Variants in PRKN observed in about 807,000 individuals in gnomAD.
PRKN encodes E3 ubiquitin-protein ligase parkin.
In PRKN, 56 loss-of-function variants were observed where a neutral mutation model predicts 59.5. The ratio of observed to expected loss-of-function variants is 0.94; its 90% CI spans 0.76 to 1.18. The LOEUF (loss-of-function observed/expected upper bound fraction) is 1.18. Ranked by LOEUF, PRKN falls within the 50% of genes most tolerant of loss-of-function variation. PRKN has a pLI of 0.00. For missense variants in PRKN, 657 were observed against 596.4 expected (o/e 1.10, Z -1.06); for synonymous variants, 250 against 222.1 (o/e 1.13, Z -1.12).
At chr6:162,036,964 CAT>C (rs1783874106) in intron 5 of PRKN, among the ~76,000 whole-genome samples, 1 of 152,092 alleles carries the variant, frequency 6.6e-6, no homozygotes, top group African/African-American at 2.4e-5. Flanking sequence ...CATGAGATGT[CAT>C]GTTTCACCTA....
At chr6:162,235,696 G>C (rs779167289) in intron 3 of PRKN, among the ~76,000 whole-genome samples, 3 of 151,728 alleles carry the variant, frequency 2.0e-5, no homozygotes, top group Non-Finnish European at 4.4e-5. Flanking sequence ...CCAGCTACTC[G>C]GAAGGCTGAG....
intron 2 of PRKN, among the ~76,000 whole-genome samples, chr6:162,415,034 C>A (rs1348677761): frequency 1.3e-5 from 2 of 152,070 alleles, no homozygotes; most frequent in East Asian, 3.9e-4. Context: ...TGAGAGATGG[C>A]AAAATGCTAG....
At chr6:161,455,892 CAAATA>C (rs1789947888) in intron 9 of PRKN, among the ~76,000 whole-genome samples, 1 of 150,094 alleles carries the variant, frequency 6.7e-6, no homozygotes, top group Admixed American at 6.6e-5. Flanking sequence ...TAGGTGCATA[CAAATA>C]AATACATATA....
intron 2 of PRKN, among the ~76,000 whole-genome samples, chr6:162,407,283 C>T (rs1048223431): frequency 6.6e-6 from 1 of 152,206 alleles, no homozygotes; most frequent in African/African-American, 2.4e-5. Flanking sequence ...TCCAGGGAAA[C>T]TGTTCACCAG....
intron 4 of PRKN, among the ~76,000 whole-genome samples, chr6:162,188,223 T>C (rs1784111480): frequency 6.6e-6 from 1 of 152,070 alleles, no homozygotes; most frequent in Non-Finnish European, 1.5e-5. Flanking sequence ...CAGTCTCGGG[T>C]ATGTCTTTAT....
At chr6:162,462,818 G>A (rs1036327740) in intron 1 of PRKN, among the ~76,000 whole-genome samples, 1 of 152,276 alleles carries the variant, frequency 6.6e-6, no homozygotes, top group Non-Finnish European at 1.5e-5. Flanking sequence ...CTTTGGCTAG[G>A]TGCAGTGGCT....
chr6:161,598,797 G>T (rs1212036306), intron 7 of PRKN, among the ~76,000 whole-genome samples: 1 of 152,116 alleles, frequency 6.6e-6, no homozygotes, highest in Non-Finnish European at 1.5e-5. Context: ...TTGGATGTTG[G>T]GTGGCCATGG....
chr6:162,020,332 CAAAAAAAAA>C (rs771141235), intron 5 of PRKN, among the ~76,000 whole-genome samples: 6,409 of 45,792 alleles, frequency 0.14, 653 homozygotes, highest in African/African-American at 0.34. Context: ...ACCAATGAAT[CAAAAAAAAA>C]AAAAAAAAAA....
chr6:162,583,739 A>G (rs1036916190), intron 1 of PRKN, among the ~76,000 whole-genome samples: 1 of 152,216 alleles, frequency 6.6e-6, no homozygotes, highest in Non-Finnish European at 1.5e-5. Context: ...GACTTCCACC[A>G]TTCAAATGAA....
intron 6 of PRKN, among the ~76,000 whole-genome samples, chr6:161,800,084 T>C (rs2128210359): frequency 6.6e-6 from 1 of 152,220 alleles, no homozygotes; most frequent in South Asian, 2.1e-4. Flanking sequence ...GGATGCAACA[T>C]AATACCATTT....
chr6:161,734,542 G>A (rs1186847760), intron 7 of PRKN, among the ~76,000 whole-genome samples: 1 of 152,174 alleles, frequency 6.6e-6, no homozygotes, highest in African/African-American at 2.4e-5. Flanking sequence ...TGGACTTGTG[G>A]AAACTGAGGG....
At chr6:161,941,111 C>T (rs1779549970) in intron 6 of PRKN, among the ~76,000 whole-genome samples, 2 of 152,190 alleles carry the variant, frequency 1.3e-5, no homozygotes, top group Admixed American at 6.5e-5. Flanking sequence ...GCCTAGGGCT[C>T]CACTCTTGGG....
intron 6 of PRKN, among the ~76,000 whole-genome samples, chr6:161,925,786 G>C (rs757676793): frequency 6.6e-6 from 1 of 152,078 alleles, no homozygotes; most frequent in Non-Finnish European, 1.5e-5. Flanking sequence ...ATTCAATGGG[G>C]ATAAAACAAA....
chr6:162,029,520 C>T (rs1291235225), intron 5 of PRKN, among the ~76,000 whole-genome samples: 1 of 152,106 alleles, frequency 6.6e-6, no homozygotes, highest in Non-Finnish European at 1.5e-5. Context: ...TTTGCTCATC[C>T]CAGTTTCCTC....
chr6:161,815,221 C>T (rs1791725233), intron 6 of PRKN, among the ~76,000 whole-genome samples: 1 of 152,182 alleles, frequency 6.6e-6, no homozygotes, highest in Non-Finnish European at 1.5e-5. Context: ...TTCTTGGACT[C>T]AATTTTCATA....
chr6:162,025,390 G>A (rs896118045), intron 5 of PRKN, among the ~76,000 whole-genome samples: 2 of 151,984 alleles, frequency 1.3e-5, no homozygotes, highest in Non-Finnish European at 2.9e-5. Flanking sequence ...AGGTACTTTT[G>A]TTTTCTTCCT....
intron 7 of PRKN, among the ~76,000 whole-genome samples, chr6:161,737,521 A>C (rs1788013787): frequency 1.3e-5 from 2 of 152,244 alleles, no homozygotes; most frequent in Admixed American, 1.3e-4. Flanking sequence ...ATATGATCAC[A>C]TTTTTGAGCT....
At chr6:162,341,665 C>G (rs1386751480) in intron 2 of PRKN, among the ~76,000 whole-genome samples, 1 of 152,068 alleles carries the variant, frequency 6.6e-6, no homozygotes, top group Non-Finnish European at 1.5e-5. Context: ...GCACAGAAAA[C>G]CAAACACTGC....
At chr6:162,693,600 T>C (rs1777860143) in intron 1 of PRKN, among the ~76,000 whole-genome samples, 1 of 152,170 alleles carries the variant, frequency 6.6e-6, no homozygotes, top group South Asian at 2.1e-4. Flanking sequence ...TATCCAGCCA[T>C]TAAATTTCAT....
Sources: allele counts gnomAD v4.1 joint callset (sites outside exome capture counted in the v4.1 genomes callset), GRCh38; gene constraint gnomAD v4.1.1; transcripts MANE v1.5; gene names NCBI Gene and HGNC (gene_info 2026-07-23, HGNC 2026-07-21).